Variants in OR2M3 observed in about 807,000 individuals in gnomAD.
OR2M3 encodes the protein olfactory receptor 2M3.
Under a neutral mutation model 4.3 loss-of-function variants are expected in OR2M3, and 1 was observed. That is an observed-to-expected ratio of 0.23 (90% CI 0.08 to 1.11). The LOEUF is 1.11. Among genes scored for constraint, OR2M3 ranks in the 50% most tolerant of loss-of-function variants. OR2M3 has a pLI of 0.54. For missense variants in OR2M3, 410 were observed against 390.4 expected (o/e 1.05, Z -0.42); for synonymous variants, 151 against 139.4 (o/e 1.08, Z -0.59).
chr1:248,199,317 T>A (rs1666131766), intron 1 of OR2M3, among the ~76,000 whole-genome samples: 1 of 152,094 alleles, frequency 6.6e-6, no homozygotes, highest in African/African-American at 2.4e-5. Flanking sequence ...TAATTTCAGA[T>A]CCTTTCTGAA....
rs549111357 is a variant in OR2M3 at position 248,210,094 on chromosome 1, A to T, written c.*6088A>T. The stretch of plus-strand genomic sequence containing the variant: ...AGATTATGGCTGCCTCTGCTGCAAC[A>T]CATAGGTCACCAGAAAAGTGGGAGA... On this transcript the variant is annotated 3_prime_UTR_variant, in exon 2 of 2. Coordinates refer to ENST00000641626, the MANE Select transcript of OR2M3 (RefSeq NM_001004689.2). 6.5e-6 allele frequency: 1 copy of T among 152,694 alleles called. No homozygotes were observed. Among genetic ancestry groups the T allele is most frequent in the Non-Finnish European group, 1.5e-5 (1 of 68,466 alleles). The allele number at this position is 152,694 out of a possible 1,614,324, so 9.5% of individuals were successfully genotyped here.
At position 248,205,170 on chromosome 1, in the gene OR2M3, C is replaced by T. The variant is rs1258699325; in HGVS notation, c.*1164C>T. The T allele has an allele frequency of 6.6e-6, 1 of 151,826 alleles. No homozygotes were observed. Among genetic ancestry groups the T allele is most frequent in the Non-Finnish European group, 1.5e-5 (1 of 67,938 alleles). 9.4% of individuals were successfully genotyped at this position (151,826 alleles called of 1,614,324 possible). A position where few individuals can be genotyped will look rare whatever the true frequency, so the allele number is the denominator to read the frequency against. Reference sequence around the variant, plus strand: ...TTCTTCTTGCTGATTTGTTTGAGTTCTTTGTAGATTCTGGAAATTAATCCC... The same window carrying T: ...TTCTTCTTGCTGATTTGTTTGAGTTTTTTGTAGATTCTGGAAATTAATCCC... On this transcript the variant is annotated 3_prime_UTR_variant, in exon 2 of 2. Transcript: ENST00000641626.
In OR2M3 at chr1:248,203,162, T is replaced by A. The variant is rs148702755; in HGVS notation, c.95T>A (p.Leu32Gln). 1 of 1,613,974 alleles carries A rather than the reference T, an allele frequency of 6.2e-7. No individual in the cohort carries two copies. Among genetic ancestry groups the A allele is most frequent in the Non-Finnish European group, 8.5e-7 (1 of 1,180,004 alleles). Residue 32 changes from leucine to glutamine, a missense_variant, in exon 2 of 2, where the codon CTG (leucine) becomes CAG (glutamine). Transcript: ENST00000641626. ...CACACCTTCCTCTTCTTTCTGGTCC[T>A]GGCCATCTTTTCAGTGGCCTTCATG... ...PTHTFLFFLV[L>Q]AIFSVAFMGN...
At position 248,205,282 on chromosome 1, in the gene OR2M3, G is replaced by A. The variant is rs1009900930; in HGVS notation, c.*1276G>A. On this transcript the variant is annotated 3_prime_UTR_variant, in exon 2 of 2. Transcript: ENST00000641626. ...TGACCGTTCCTTTTGCAGTGCAAAA[G>A]GTCTTTAGTTTAATTAGTTCCCAGC... 1 of 151,912 alleles carries A rather than the reference G, an allele frequency of 6.6e-6. No homozygotes were observed. The highest frequency in any genetic ancestry group is 6.6e-5 in the Admixed American group (1 of 15,228). The allele number at this position is 151,912 out of a possible 1,614,324, so 9.4% of individuals were successfully genotyped here.
rs1666232872 is a variant in OR2M3 at position 248,207,217 on chromosome 1, G to A, written c.*3211G>A. ...TCTCTATTCTTTTTTGGTTAATCTT[G>A]CTAATGGTCTATCAACTTTATTCGT... On this transcript the variant is annotated 3_prime_UTR_variant, in exon 2 of 2. Coordinates refer to ENST00000641626, the MANE Select transcript of OR2M3 (RefSeq NM_001004689.2). 6.6e-6 allele frequency: 1 copy of A among 151,726 alleles called. No homozygotes were observed. Among genetic ancestry groups the A allele is most frequent in the Admixed American group, 6.6e-5 (1 of 15,222 alleles). 9.4% of individuals were successfully genotyped at this position (151,726 alleles called of 1,614,324 possible). A position where few individuals can be genotyped will look rare whatever the true frequency, so the allele number is the denominator to read the frequency against.
rs1371726106 is a variant in OR2M3, at chr1:248,204,601, G to A, written c.*595G>A. On this transcript the variant is annotated 3_prime_UTR_variant, in exon 2 of 2. Coordinates refer to ENST00000641626, the MANE Select transcript of OR2M3 (RefSeq NM_001004689.2). ...TTTTATGACTGAGTAGTATTCCATG[G>A]TATGTGTGTATATAGATATATATAT... is the stretch of plus-strand genomic sequence containing the variant. 6.6e-6 allele frequency: 1 copy of A among 150,730 alleles called. No homozygotes were observed. The highest frequency in any genetic ancestry group is 1.5e-5 in the Non-Finnish European group (1 of 68,218). The allele number at this position is 150,730 out of a possible 1,614,324, so 9.3% of individuals were successfully genotyped here.
At position 248,207,508 on chromosome 1, in the gene OR2M3, C is replaced by T. The variant is rs1666236463; in HGVS notation, c.*3502C>T. ...CCAGAAGTTTTGCTAGGTTTTGTCACTATTATCATCCAGTTCAAAGAATTT... is the reference window on the plus strand; with the variant it reads ...CCAGAAGTTTTGCTAGGTTTTGTCATTATTATCATCCAGTTCAAAGAATTT... On this transcript the variant is annotated 3_prime_UTR_variant, in exon 2 of 2. Coordinates refer to ENST00000641626, the MANE Select transcript of OR2M3 (RefSeq NM_001004689.2). 6.6e-6 allele frequency: 1 copy of T among 152,042 alleles called. No homozygotes were observed. Among genetic ancestry groups the T allele is most frequent in the Non-Finnish European group, 1.5e-5 (1 of 67,974 alleles). 9.4% of individuals were successfully genotyped at this position (152,042 alleles called of 1,614,324 possible).
intron 1 of OR2M3, among the ~76,000 whole-genome samples, chr1:248,199,362 T>G (rs1351493804): frequency 6.6e-6 from 1 of 152,122 alleles, no homozygotes; most frequent in Non-Finnish European, 1.5e-5. Flanking sequence ...AATACAGTGC[T>G]GCAACTCAAA....
rs1666223220 is a variant in OR2M3 at position 248,206,282 on chromosome 1, G to A, written c.*2276G>A. The A allele has an allele frequency of 6.6e-6, 1 of 152,096 alleles. No homozygotes were observed. Among genetic ancestry groups the A allele is most frequent in the Admixed American group, 6.6e-5 (1 of 15,250 alleles). 9.4% of individuals were successfully genotyped at this position (152,096 alleles called of 1,614,324 possible). On this transcript the variant is annotated 3_prime_UTR_variant, in exon 2 of 2. Coordinates refer to ENST00000641626, the MANE Select transcript of OR2M3 (RefSeq NM_001004689.2). Reference sequence around the variant, plus strand: ...TTCCTTTCTCTTTACCATTTTGGATGTCCTTTATTTCTTTCTCTTGTCTGA... The same window carrying A: ...TTCCTTTCTCTTTACCATTTTGGATATCCTTTATTTCTTTCTCTTGTCTGA...
At chr1:248,198,367 A>G (rs1205432981) in intron 1 of OR2M3, among the ~76,000 whole-genome samples, 1 of 152,156 alleles carries the variant, frequency 6.6e-6, no homozygotes, top group Non-Finnish European at 1.5e-5. Flanking sequence ...TGTGAGACTC[A>G]TCAATGCTAC....
In OR2M3 at chr1:248,202,431, T is replaced by C. The variant is rs147456247; in HGVS notation, c.-18-619T>C. On this transcript the variant is annotated intron_variant, in intron 1 of 1. Transcript: ENST00000641626. ...AACAAGCTCACATGCTGAGTATCTT[T>C]TTGGGAAGAAATACAACTCAATCCG... Among the ~76,000 whole-genome samples, 81 of 152,310 alleles carry C rather than the reference T, an allele frequency of 5.3e-4. 1 individual carries two copies. Among genetic ancestry groups the C allele is most frequent in the Middle Eastern group, 3.4e-3 (1 of 294 alleles).
chr1:248,212,817 A>G lies in OR2M3; in HGVS notation c.*8811A>G, dbSNP rs1441910210. 6.6e-6 allele frequency: 1 copy of G among 152,054 alleles called. No homozygotes were observed. The highest frequency in any genetic ancestry group is 1.5e-5 in the Non-Finnish European group (1 of 67,976). 9.4% of individuals were successfully genotyped at this position (152,054 alleles called of 1,614,324 possible). On this transcript the variant is annotated 3_prime_UTR_variant, in exon 2 of 2. Coordinates refer to ENST00000641626, the MANE Select transcript of OR2M3 (RefSeq NM_001004689.2). Reference sequence around the variant, plus strand: ...ATTCTACAGAGTGTTGTTTTACAACATCCTATGTGAACTCATTTCTCTTTT... The same window carrying G: ...ATTCTACAGAGTGTTGTTTTACAACGTCCTATGTGAACTCATTTCTCTTTT...
rs1666216701 is a variant in OR2M3 at position 248,205,644 on chromosome 1, CTG to C, written c.*1640_*1641del. The C allele has an allele frequency of 6.6e-6, 1 of 151,818 alleles. No individual in the cohort carries two copies. Among genetic ancestry groups the C allele is most frequent in the Admixed American group, 6.6e-5 (1 of 15,232 alleles). The allele number at this position is 151,818 out of a possible 1,614,324, so 9.4% of individuals were successfully genotyped here. ...TTCTGGGTTCTCTATTCTGTTTTGTCTGTCTATGTCTCTATTTTTATCCAGTA... is the reference window on the plus strand; with the variant it reads ...TTCTGGGTTCTCTATTCTGTTTTGTCTCTATGTCTCTATTTTTATCCAGTA... On this transcript the variant is annotated 3_prime_UTR_variant, in exon 2 of 2. Coordinates refer to ENST00000641626, the MANE Select transcript of OR2M3 (RefSeq NM_001004689.2).
At position 248,208,321 on chromosome 1, in the gene OR2M3, G is replaced by C. The variant is rs1395302310; in HGVS notation, c.*4315G>C. 1 of 152,110 alleles carries C rather than the reference G, an allele frequency of 6.6e-6. No individual in the cohort carries two copies. The highest frequency in any genetic ancestry group is 1.5e-5 in the Non-Finnish European group (1 of 67,978). The allele number at this position is 152,110 out of a possible 1,614,324, so 9.4% of individuals were successfully genotyped here. ...GGCCACTAACATCAATGTCGGAATT[G>C]AGATGTGAGGTACTATTCTATACAT... On this transcript the variant is annotated 3_prime_UTR_variant, in exon 2 of 2. Transcript: ENST00000641626.
In OR2M3 at chr1:248,205,374, T is replaced by C. The variant is rs1666213873; in HGVS notation, c.*1368T>C. Reference sequence around the variant, plus strand: ...CTCATGAAACCCTTGCCTAAGCCAATGTCTACAAGGATTTCTCTGATGTTA... The same window carrying C: ...CTCATGAAACCCTTGCCTAAGCCAACGTCTACAAGGATTTCTCTGATGTTA... On this transcript the variant is annotated 3_prime_UTR_variant, in exon 2 of 2. Transcript: ENST00000641626. 1 of 152,134 alleles carries C rather than the reference T, an allele frequency of 6.6e-6. No homozygotes were observed. The highest frequency in any genetic ancestry group is 2.4e-5 in the African/African-American group (1 of 41,438). The allele number at this position is 152,134 out of a possible 1,614,324, so 9.4% of individuals were successfully genotyped here.
chr1:248,210,850 C>T lies in OR2M3; in HGVS notation c.*6844C>T, dbSNP rs1014793132. The T allele has an allele frequency of 6.6e-6, 1 of 152,248 alleles. No homozygotes were observed. Among genetic ancestry groups the T allele is most frequent in the Non-Finnish European group, 1.5e-5 (1 of 68,112 alleles). 9.4% of individuals were successfully genotyped at this position (152,248 alleles called of 1,614,324 possible). On this transcript the variant is annotated 3_prime_UTR_variant, in exon 2 of 2. Transcript: ENST00000641626. Reference sequence around the variant, plus strand: ...GCTGATTCTCTTTTCGGACTCAGCCCACCTGCACCCAGGTGAAATAAACAG... The same window carrying T: ...GCTGATTCTCTTTTCGGACTCAGCCTACCTGCACCCAGGTGAAATAAACAG...
chr1:248,197,720 A>G (rs1178677966), intron 1 of OR2M3, among the ~76,000 whole-genome samples: 6 of 152,104 alleles, frequency 3.9e-5, no homozygotes, highest in African/African-American at 1.4e-4. Flanking sequence ...TCCTAAACCA[A>G]AATCTAATAC....
At chr1:248,202,667 T>C (rs558360944) in intron 1 of OR2M3, among the ~76,000 whole-genome samples, 1 of 152,246 alleles carries the variant, frequency 6.6e-6, no homozygotes, top group African/African-American at 2.4e-5. Context: ...TTTCTAGTAC[T>C]GTGATGGTCA....
At chr1:248,197,997 A>G (rs1322905862) in intron 1 of OR2M3, among the ~76,000 whole-genome samples, 2 of 152,150 alleles carry the variant, frequency 1.3e-5, no homozygotes, top group African/African-American at 2.4e-5. Flanking sequence ...TCTGGTCCCA[A>G]GCATTTTGGA....
Sources: gnomAD v4.1 joint callset for allele counts (sites outside exome capture counted in the v4.1 genomes callset) on GRCh38, gnomAD v4.1.1 for gene constraint, MANE v1.5 for transcripts, NCBI Gene and HGNC (gene_info 2026-07-23, HGNC 2026-07-21) for gene names.